The following ADAM32 variants were observed in gnomAD, a reference collection of about 807,000 sequenced individuals.
The protein encoded by ADAM32 is ADAM metallopeptidase domain 32.
In ADAM32, 89 loss-of-function variants were observed where a neutral mutation model predicts 114.9. The observed-to-expected ratio is 0.77, with a 90% CI of 0.65 to 0.92. ADAM32 has a LOEUF of 0.92. Ranked by LOEUF, ADAM32 falls within the 40% of genes least tolerant of loss-of-function variation. ADAM32 has a pLI of 0.00. For missense variants in ADAM32, 870 were observed against 932.8 expected (o/e 0.93, Z 0.88); for synonymous variants, 285 against 307.5 (o/e 0.93, Z 0.77).
At chr8:39,125,371 C>T (rs538325725) in intron 2 of ADAM32, among the ~76,000 whole-genome samples, 1 of 152,158 alleles carries the variant, frequency 6.6e-6, no homozygotes, top group South Asian at 2.1e-4. Context: ...TATTCTATGC[C>T]TGTCCTACTA....
chr8:39,143,547 A>G (rs1168695337), intron 3 of ADAM32, among the ~76,000 whole-genome samples: 1 of 151,782 alleles, frequency 6.6e-6, no homozygotes, highest in Non-Finnish European at 1.5e-5. Flanking sequence ...AGGCTGCAGA[A>G]CAGCCAATAT....
At chr8:39,252,517 C>CCTCAAGAA (rs1811370482) in intron 17 of ADAM32, among the ~76,000 whole-genome samples, 1 of 151,126 alleles carries the variant, frequency 6.6e-6, no homozygotes, top group Admixed American at 6.6e-5. Flanking sequence ...TCTAACTTTA[C>CCTCAAGAA]ACCTCAAGAA....
rs112452298 is a variant in ADAM32 at position 39,122,031 on chromosome 8, A to G, written c.138+3866A>G. ...ATAGCTATTCTATGCCTGTTCTACT[A>G]TTGTATTTTGGAAGCACATAACTTG... is the stretch of plus-strand genomic sequence containing the variant. On this transcript the variant is annotated intron_variant, in intron 2 of 24. Transcript: ENST00000379907. 3.3e-5 allele frequency among the ~76,000 whole-genome samples: 5 copies of G among 151,996 alleles called. 1 individual carries two copies. Among genetic ancestry groups the G allele is most frequent in the African/African-American group, 1.2e-4 (5 of 41,476 alleles).
At chr8:39,128,696 C>G (rs1273360675) in intron 2 of ADAM32, among the ~76,000 whole-genome samples, 1 of 152,000 alleles carries the variant, frequency 6.6e-6, no homozygotes, top group African/African-American at 2.4e-5. Flanking sequence ...AGGCATTATT[C>G]CAAGATAGGC....
intron 16 of ADAM32, among the ~76,000 whole-genome samples, chr8:39,244,537 A>T (rs1222541597): frequency 1.3e-5 from 2 of 152,208 alleles, no homozygotes; most frequent in East Asian, 1.9e-4. Flanking sequence ...AAACAAAAAC[A>T]TAAAGTGGGG....
At chr8:39,145,770 C>T (rs1159358195) in intron 3 of ADAM32, among the ~76,000 whole-genome samples, 2 of 152,008 alleles carry the variant, frequency 1.3e-5, no homozygotes, top group Admixed American at 6.6e-5. Flanking sequence ...CTCTCTCTGT[C>T]ACCCAGGTTG....
intron 11 of ADAM32, among the ~76,000 whole-genome samples, chr8:39,199,231 C>T (rs1807215372): frequency 6.6e-6 from 1 of 152,142 alleles, no homozygotes; most frequent in Non-Finnish European, 1.5e-5. Context: ...CTTTAGTTAC[C>T]TGTATCTTGA....
At chr8:39,214,308 TGTACAA>T (rs1288871842) in intron 12 of ADAM32, among the ~76,000 whole-genome samples, 1 of 152,190 alleles carries the variant, frequency 6.6e-6, no homozygotes, top group Non-Finnish European at 1.5e-5. Context: ...CCACCAACAG[TGTACAA>T]GTATTCCCTT....
At chr8:39,203,725 A>G (rs931712951) in intron 11 of ADAM32, among the ~76,000 whole-genome samples, 2 of 152,158 alleles carry the variant, frequency 1.3e-5, no homozygotes, top group African/African-American at 4.8e-5. Context: ...TCTTCCTAGC[A>G]TTGATGGTCT....
At chr8:39,284,378 T>TACACACACAC (rs367964426) in intron 24 of ADAM32, among the ~76,000 whole-genome samples, 107 of 142,112 alleles carry the variant, frequency 7.5e-4, no homozygotes, top group African/African-American at 2.7e-3. Context: ...CACACACACG[T>TACACACACAC]ACACACACAC....
intron 16 of ADAM32, among the ~76,000 whole-genome samples, chr8:39,239,418 G>T (rs1307585207): frequency 6.6e-6 from 1 of 152,110 alleles, no homozygotes; most frequent in Non-Finnish European, 1.5e-5. Flanking sequence ...CTGCTAAAAA[G>T]AGTTCTAAAT....
intron 3 of ADAM32, among the ~76,000 whole-genome samples, chr8:39,146,681 G>C (rs1340756869): frequency 1.3e-5 from 2 of 152,196 alleles, no homozygotes; most frequent in Non-Finnish European, 2.9e-5. Flanking sequence ...AAAGTGTTGG[G>C]ATTACAGGTG....
intron 11 of ADAM32, among the ~76,000 whole-genome samples, chr8:39,203,941 A>C (rs1244455675): frequency 6.6e-6 from 1 of 152,148 alleles, no homozygotes; most frequent in Non-Finnish European, 1.5e-5. Context: ...CTTTTCTTTA[A>C]GAATGTTGAA....
Position 39,246,791 on chromosome 8 carries a change from T to C in ADAM32, c.1902+625T>C, listed in dbSNP as rs530896043. Among the ~76,000 whole-genome samples the C allele has an allele frequency of 1.2e-4, 19 of 152,290 alleles. No homozygotes were observed. The South Asian group carries it at 3.7e-3, about 30-fold the overall frequency. On this transcript the variant is annotated intron_variant, in intron 17 of 24. Coordinates refer to ENST00000379907, the MANE Select transcript of ADAM32 (RefSeq NM_145004.7). ...TTTGACAAATGTGTAATGATATAGA[T>C]CCATCATTATGATATACAGAGAGTA...
rs28803880 is a variant in ADAM32 at position 39,200,661 on chromosome 8, C to T, written c.1053-10483C>T. Among the ~76,000 whole-genome samples the T allele has an allele frequency of 1.9e-3, 296 of 152,276 alleles. 1 individual carries two copies. Among genetic ancestry groups the T allele is most frequent in the African/African-American group, 6.3e-3 (262 of 41,568 alleles). ...CATTTGTCAATTTTGGCTTTTGTTG[C>T]CATTGCTTTTGGTGTTTTAGACATG... On this transcript the variant is annotated intron_variant, in intron 11 of 24. Coordinates refer to ENST00000379907, the MANE Select transcript of ADAM32 (RefSeq NM_145004.7).
At chr8:39,229,427 A>G (rs1241664786) in intron 14 of ADAM32, among the ~76,000 whole-genome samples, 1 of 152,206 alleles carries the variant, frequency 6.6e-6, no homozygotes, top group Non-Finnish European at 1.5e-5. Context: ...AAACTCATCA[A>G]TCAACTATTT....
rs1813592264 is a variant in ADAM32, at chr8:39,283,733, A to G, written c.2357+109A>G. On this transcript the variant is annotated intron_variant, in intron 24 of 24. Transcript: ENST00000379907. Reference sequence around the variant, plus strand: ...TATGGACTGGGTAGATGAATTGGTAAAGTACTGCACCAATAAATAACCTAT... The same window carrying G: ...TATGGACTGGGTAGATGAATTGGTAGAGTACTGCACCAATAAATAACCTAT... 1.5e-5 allele frequency: 12 copies of G among 803,218 alleles called. 1 individual carries two copies. The South Asian group carries it at 2.3e-4, about 15-fold the overall frequency. The allele number at this position is 803,218 out of a possible 1,614,324, so 49.8% of individuals were successfully genotyped here.
At chr8:39,141,848 G>T (rs1302891487) in intron 3 of ADAM32, among the ~76,000 whole-genome samples, 1 of 151,962 alleles carries the variant, frequency 6.6e-6, no homozygotes, top group Non-Finnish European at 1.5e-5. Flanking sequence ...GGTCTCTAAG[G>T]ACTTGCTTTA....
At chr8:39,168,059 GTTTATC>G (rs1452629258) in intron 9 of ADAM32, 1 of 151,976 alleles carries the variant, frequency 6.6e-6, no homozygotes, top group Non-Finnish European at 1.5e-5. Flanking sequence ...TACTAACATT[GTTTATC>G]TTTATGACAA....
Sources: allele counts gnomAD v4.1 joint callset (sites outside exome capture counted in the v4.1 genomes callset), GRCh38; gene constraint gnomAD v4.1.1; transcripts MANE v1.5; gene names NCBI Gene and HGNC (gene_info 2026-07-23, HGNC 2026-07-21).